SGMS2: variants seen among roughly 807,000 people sequenced by gnomAD.
SGMS2 encodes the protein sphingomyelin synthase 2, also known as phosphatidylcholine:ceramide cholinephosphotransferase 2.
SGMS2 carries 21 observed loss-of-function variants against 43.8 expected under a neutral mutation model. That is an observed-to-expected ratio of 0.48 (90% CI 0.34 to 0.69). The LOEUF (loss-of-function observed/expected upper bound fraction) is 0.69. Ranked by LOEUF, SGMS2 falls within the 30% of genes least tolerant of loss-of-function variation. The probability of loss-of-function intolerance (pLI) is 0.01; values close to 1 mark genes in which losing one functional copy is unlikely to be tolerated. For missense variants in SGMS2, 384 were observed against 443.2 expected, an observed-to-expected ratio of 0.87 and a Z score of 1.20; for synonymous variants, 167 against 160.6, an observed-to-expected ratio of 1.04 and a Z score of -0.30.
intron 4 of SGMS2, among the ~76,000 whole-genome samples, chr4:107,901,209 A>G (rs932365534): frequency 3.9e-5 from 6 of 152,190 alleles, no homozygotes; most frequent in Admixed American, 1.3e-4. Flanking sequence ...TCCCAGGTTC[A>G]CTTGTCGGGA....
At chr4:107,854,144 A>T (rs926402569) in intron 1 of SGMS2, among the ~76,000 whole-genome samples, 1 of 152,242 alleles carries the variant, frequency 6.6e-6, no homozygotes, top group Non-Finnish European at 1.5e-5. Flanking sequence ...GCCAGATGGA[A>T]TGAAAACGGC....
chr4:107,899,063 T>G (rs1467698785), intron 3 of SGMS2, among the ~76,000 whole-genome samples: 1 of 152,216 alleles, frequency 6.6e-6, no homozygotes, highest in African/African-American at 2.4e-5. Flanking sequence ...TAAACCCTGC[T>G]TATATACCGT....
In SGMS2 at chr4:107,895,411, T is replaced by C; in HGVS notation, c.-143T>C. On this transcript the variant is annotated 5_prime_UTR_variant, in exon 3 of 7. Coordinates refer to ENST00000690982, the MANE Select transcript of SGMS2 (RefSeq NM_001375905.1). Reference sequence around the variant, plus strand: ...ATGGAAGAAACAGTAATCGGATGGCTACCTTCTACATTTTGTATTAGGAAA... The same window carrying C: ...ATGGAAGAAACAGTAATCGGATGGCCACCTTCTACATTTTGTATTAGGAAA... 1.2e-6 allele frequency: 1 copy of C among 831,006 alleles called. No homozygotes were observed. The highest frequency in any genetic ancestry group is 1.9e-6 in the Non-Finnish European group (1 of 528,062). The allele number at this position is 831,006 out of a possible 1,614,324, so 51.5% of individuals were successfully genotyped here. A position where few individuals can be genotyped will look rare whatever the true frequency, so the allele number is the denominator to read the frequency against.
rs375468367 is a variant in SGMS2, at chr4:107,853,470, A to T, written c.-326-5002A>T. Among the ~76,000 whole-genome samples the T allele has an allele frequency of 4.6e-5, 7 of 152,224 alleles. No individual in the cohort carries two copies. The East Asian group carries it at 1.2e-3, about 25-fold the overall frequency. On this transcript the variant is annotated intron_variant, in intron 1 of 6. Coordinates refer to ENST00000690982, the MANE Select transcript of SGMS2 (RefSeq NM_001375905.1). Reference sequence around the variant, plus strand: ...CCTTTTCTCCCTCCCCCTCAGTCACATCTGCCATAGCCATATCCATGGACT... The same window carrying T: ...CCTTTTCTCCCTCCCCCTCAGTCACTTCTGCCATAGCCATATCCATGGACT...
At chr4:107,876,127 G>C (rs1446056734) in intron 2 of SGMS2, among the ~76,000 whole-genome samples, 1 of 152,088 alleles carries the variant, frequency 6.6e-6, no homozygotes, top group Non-Finnish European at 1.5e-5. Context: ...GCTATTTCTT[G>C]AACTCATTTT....
intron 1 of SGMS2, among the ~76,000 whole-genome samples, chr4:107,836,839 A>G (rs115624752): frequency 0.018 from 2,699 of 152,294 alleles, 87 homozygotes; most frequent in African/African-American, 0.06. Flanking sequence ...CAGGCATAGT[A>G]GAGAGACTGG....
In SGMS2 at chr4:107,846,452, T is replaced by G. The variant is rs540207466; in HGVS notation, c.-326-12020T>G. ...ACAAAGGACATGAACTCATCATTTTTTATGGCTGCATAGTATTCCATGGTG... is the reference window on the plus strand; with the variant it reads ...ACAAAGGACATGAACTCATCATTTTGTATGGCTGCATAGTATTCCATGGTG... On this transcript the variant is annotated intron_variant, in intron 1 of 6. Coordinates refer to ENST00000690982, the MANE Select transcript of SGMS2 (RefSeq NM_001375905.1). Among the ~76,000 whole-genome samples the G allele has an allele frequency of 3.3e-5, 5 of 151,388 alleles. No homozygotes were observed. The South Asian group carries it at 1.1e-3, about 32-fold the overall frequency.
chr4:107,871,112 G>T (rs1219308678), intron 2 of SGMS2, among the ~76,000 whole-genome samples: 3 of 152,094 alleles, frequency 2.0e-5, no homozygotes, highest in African/African-American at 7.2e-5. Context: ...TCACTCCCAT[G>T]GATAGACCAG....
At chr4:107,859,030 G>A (rs1421883625) in intron 2 of SGMS2, among the ~76,000 whole-genome samples, 1 of 152,184 alleles carries the variant, frequency 6.6e-6, no homozygotes, top group Admixed American at 6.5e-5. Flanking sequence ...TTAAAGAGCT[G>A]TGGCAGTTAT....
At chr4:107,836,540 A>G (rs1283699920) in intron 1 of SGMS2, among the ~76,000 whole-genome samples, 1 of 152,212 alleles carries the variant, frequency 6.6e-6, no homozygotes, top group East Asian at 1.9e-4. Flanking sequence ...TATGGGAAAG[A>G]TGACAACTCA....
At chr4:107,826,930 G>T (rs950850584) in intron 1 of SGMS2, among the ~76,000 whole-genome samples, 1 of 152,220 alleles carries the variant, frequency 6.6e-6, no homozygotes, top group African/African-American at 2.4e-5. Flanking sequence ...ACAGTACCGT[G>T]TAGTGAGATC....
chr4:107,868,351 A>G (rs1337205326), intron 2 of SGMS2, among the ~76,000 whole-genome samples: 3 of 152,206 alleles, frequency 2.0e-5, no homozygotes, highest in Admixed American at 6.5e-5. Context: ...AAACCTCTGC[A>G]AAGAAAGTGT....
chr4:107,830,360 T>C (rs1725823550), intron 1 of SGMS2, among the ~76,000 whole-genome samples: 1 of 152,174 alleles, frequency 6.6e-6, no homozygotes, highest in South Asian at 2.1e-4. Context: ...TGTATCTTTA[T>C]GGTAGAATGA....
At chr4:107,837,471 G>A (rs1039996817) in intron 1 of SGMS2, among the ~76,000 whole-genome samples, 2 of 152,164 alleles carry the variant, frequency 1.3e-5, no homozygotes, top group African/African-American at 4.8e-5. Context: ...GGAAAGGGAA[G>A]AAGGCCAATC....
intron 2 of SGMS2, among the ~76,000 whole-genome samples, chr4:107,878,400 A>G (rs1295881588): frequency 1.6e-4 from 24 of 152,060 alleles, no homozygotes; most frequent in Admixed American, 1.6e-3. Flanking sequence ...TATGCTCCCC[A>G]CTCTCACACC....
At chr4:107,856,438 C>T (rs1727429749) in intron 1 of SGMS2, among the ~76,000 whole-genome samples, 1 of 152,166 alleles carries the variant, frequency 6.6e-6, no homozygotes, top group African/African-American at 2.4e-5. Context: ...CTAGGTTTGG[C>T]TACGTAACTG....
At chr4:107,876,474 A>G (rs975278511) in intron 2 of SGMS2, among the ~76,000 whole-genome samples, 2 of 152,226 alleles carry the variant, frequency 1.3e-5, no homozygotes, top group African/African-American at 4.8e-5. Context: ...CAGAGAGGTA[A>G]TATCTCTTCC....
intron 1 of SGMS2, among the ~76,000 whole-genome samples, chr4:107,841,953 T>C (rs924868645): frequency 6.6e-6 from 1 of 151,686 alleles, no homozygotes; most frequent in Non-Finnish European, 1.5e-5. Flanking sequence ...TGCCTGACCT[T>C]TAAAAAAATT....
intron 1 of SGMS2, among the ~76,000 whole-genome samples, chr4:107,844,323 CA>C (rs59121884): frequency 1.3e-3 from 184 of 143,254 alleles, no homozygotes; most frequent in Middle Eastern, 3.6e-3. Context: ...GACTCTATCT[CA>C]AAAAAAAAAA....
Sources: allele counts gnomAD v4.1 joint callset (sites outside exome capture counted in the v4.1 genomes callset), GRCh38; gene constraint gnomAD v4.1.1; transcripts MANE v1.5; gene names NCBI Gene and HGNC (gene_info 2026-07-23, HGNC 2026-07-21).